The following GALNT3 variants were observed in gnomAD, a reference collection of about 807,000 sequenced individuals.
GALNT3 encodes the protein polypeptide N-acetylgalactosaminyltransferase 3, also known as GalNAc transferase 3.
GALNT3 carries 51 observed loss-of-function variants against 69.8 expected under a neutral mutation model. The observed-to-expected ratio is 0.73, with a 90% CI of 0.58 to 0.92. GALNT3 has a LOEUF of 0.92. Ranked by LOEUF, GALNT3 falls within the 40% of genes least tolerant of loss-of-function variation. The pLI is 0.00. For missense variants in GALNT3, 711 were observed against 760.0 expected (o/e 0.94, Z 0.76); for synonymous variants, 265 against 248.5 (o/e 1.07, Z -0.63).
At chr2:165,761,487 C>G (rs1312280642) in intron 4 of GALNT3, among the ~76,000 whole-genome samples, 2 of 151,978 alleles carry the variant, frequency 1.3e-5, no homozygotes, top group Admixed American at 1.3e-4. Context: ...GCTGGGATTA[C>G]AGGAATGAGC....
At chr2:165,761,699 A>C (rs1345446007) in intron 4 of GALNT3, 3 of 718,076 alleles carry the variant, frequency 4.2e-6, no homozygotes, top group Non-Finnish European at 7.7e-6. Flanking sequence ...TTAAACACAA[A>C]AGGAGATAAG....
At chr2:165,792,223 AAAGTATT>A (rs1227109395) in intron 1 of GALNT3, among the ~76,000 whole-genome samples, 1 of 152,214 alleles carries the variant, frequency 6.6e-6, no homozygotes, top group Non-Finnish European at 1.5e-5. Flanking sequence ...TTAATCTAGG[AAAGTATT>A]ATTTTTCCTA....
chr2:165,769,992 C>A, intron 2 of GALNT3, 194 bp downstream of exon 2: 1 of 668,100 alleles, frequency 1.5e-6, no homozygotes, highest in South Asian at 1.7e-5. Context: ...ATCTGCACTG[C>A]CTCACCAAGC....
intron 1 of GALNT3, among the ~76,000 whole-genome samples, chr2:165,782,199 A>G (rs1683124493): frequency 6.6e-6 from 1 of 152,096 alleles, no homozygotes. Context: ...CTGATTTACT[A>G]TCTTTGAAGA....
In GALNT3 at chr2:165,787,551, T is replaced by C. The variant is rs370670347; in HGVS notation, c.-109+6464A>G. Among the ~76,000 whole-genome samples the C allele has an allele frequency of 2.0e-4, 31 of 152,268 alleles. No individual in the cohort carries two copies. In the South Asian group the frequency reaches 6.4e-3, roughly 32 times the overall value. ...CTCAGATAGACAAACAGCGAGGCCA[T>C]GGCAAAAGTCCAGGCAAGAGATGAT... On this transcript the variant is annotated intron_variant, in intron 1 of 10. Coordinates refer to ENST00000392701, the MANE Select transcript of GALNT3 (RefSeq NM_004482.4).
At chr2:165,785,790 G>A (rs553000993) in intron 1 of GALNT3, among the ~76,000 whole-genome samples, 6 of 152,220 alleles carry the variant, frequency 3.9e-5, no homozygotes, top group South Asian at 2.1e-4. Flanking sequence ...GCAACAGTCC[G>A]AACAGGGGCA....
chr2:165,757,084 T>C lies in GALNT3; in HGVS notation c.1355A>G (p.Tyr452Cys). The change falls in exon 7 of 11, where the codon TAT becomes TGT. Residue 452 changes from tyrosine to cysteine, a missense_variant. Coordinates refer to ENST00000392701, the MANE Select transcript of GALNT3 (RefSeq NM_004482.4). ...TTTTGCTGCATCTGTATTTCTCCTA[T>C]AAAATATTTCCTTGTATTCATCCAT... is the stretch of plus-strand genomic sequence containing the variant. ...VWMDEYKEIF[Y>C]RRNTDAAKIV... The C allele has an allele frequency of 1.2e-6, 2 of 1,613,986 alleles. No individual in the cohort carries two copies. Among genetic ancestry groups the C allele is most frequent in the African/African-American group, 1.3e-5 (1 of 75,046 alleles).
At chr2:165,776,741 G>A (rs1184405460) in intron 1 of GALNT3, among the ~76,000 whole-genome samples, 1 of 152,114 alleles carries the variant, frequency 6.6e-6, no homozygotes, top group Non-Finnish European at 1.5e-5. Context: ...ATTTTAACTG[G>A]TTGTGACACT....
chr2:165,750,623 C>A (rs1349534658), intron 9 of GALNT3, among the ~76,000 whole-genome samples: 1 of 152,156 alleles, frequency 6.6e-6, no homozygotes, highest in Non-Finnish European at 1.5e-5. Context: ...TATCATCCAG[C>A]AATCCAATCT....
At chr2:165,774,949 C>T (rs1407532007) in intron 1 of GALNT3, among the ~76,000 whole-genome samples, 1 of 121,972 alleles carries the variant, frequency 8.2e-6, no homozygotes, top group Non-Finnish European at 1.6e-5. Context: ...TGAGGTCTCA[C>T]TATGCTGCCC....
chr2:165,753,832 T>A (rs899694459), intron 9 of GALNT3, among the ~76,000 whole-genome samples: 7 of 152,206 alleles, frequency 4.6e-5, no homozygotes, highest in African/African-American at 1.7e-4. Flanking sequence ...TCCTCTTTTG[T>A]TGGAGAAGGA....
intron 1 of GALNT3, among the ~76,000 whole-genome samples, chr2:165,778,192 C>A (rs546857936): frequency 1.2e-4 from 19 of 152,300 alleles, no homozygotes; most frequent in Non-Finnish European, 2.1e-4. Context: ...CACATCTACA[C>A]CTGTGAATGA....
intron 1 of GALNT3, among the ~76,000 whole-genome samples, chr2:165,773,324 ATGTAAGACG>A (rs1467755268): frequency 6.6e-6 from 1 of 152,206 alleles, no homozygotes; most frequent in African/African-American, 2.4e-5. Flanking sequence ...GCCTGCCATC[ATGTAAGACG>A]TGCCTTTGCT....
At position 165,749,811 on chromosome 2, in the gene GALNT3, C is replaced by G. The variant is rs781352133; in HGVS notation, c.1710G>C (p.Gln570His). 1 of 1,613,642 alleles carries G rather than the reference C, an allele frequency of 6.2e-7. No homozygotes were observed. Among genetic ancestry groups the G allele is most frequent in the South Asian group, 1.1e-5 (1 of 91,070 alleles). Residue 570 changes from glutamine (Q) to histidine (H), a missense_variant, in exon 10 of 11, where the codon CAG becomes CAC. By Grantham distance (24) the Gln-to-His change is conservative (BLOSUM62 0). Transcript: ENST00000392701. ...GACCTTTGTAGGTACATGCCTTCAG[C>G]TGAACGAGACCTTGAGCAGCATGAA... ...LCLHAAQGLV[Q>H]LKACTYKGHK...
chr2:165,755,207 T>C (rs1573996962), intron 7 of GALNT3, 144 bp from the exon 8 acceptor site: 1 of 788,190 alleles, frequency 1.3e-6, no homozygotes, highest in East Asian at 2.7e-5. Context: ...GCCTTCATCA[T>C]TCATTCAAGT....
chr2:165,776,837 C>A (rs970645128), intron 1 of GALNT3, among the ~76,000 whole-genome samples: 3 of 152,130 alleles, frequency 2.0e-5, no homozygotes, highest in Non-Finnish European at 2.9e-5. Context: ...ATCTAACTAA[C>A]AAGTGGTAGC....
intron 6 of GALNT3, among the ~76,000 whole-genome samples, chr2:165,757,674 T>C (rs1199492510): frequency 1.3e-5 from 2 of 152,202 alleles, no homozygotes; most frequent in Admixed American, 1.3e-4. Context: ...TCAGACCCTA[T>C]TTATCTCTTG....
At chr2:165,783,524 C>T (rs1559007085) in intron 1 of GALNT3, among the ~76,000 whole-genome samples, 2 of 152,190 alleles carry the variant, frequency 1.3e-5, no homozygotes, top group Non-Finnish European at 2.9e-5. Flanking sequence ...CATCTCTCAG[C>T]TTCCATTACC....
At chr2:165,784,755 G>A (rs1215479961) in intron 1 of GALNT3, among the ~76,000 whole-genome samples, 1 of 152,062 alleles carries the variant, frequency 6.6e-6, no homozygotes, top group Non-Finnish European at 1.5e-5. Flanking sequence ...TATGAGACAA[G>A]AGGCCAGTGA....
Sources: allele counts gnomAD v4.1 joint callset (sites outside exome capture counted in the v4.1 genomes callset), GRCh38; gene constraint gnomAD v4.1.1; transcripts MANE v1.5; gene names NCBI Gene and HGNC (gene_info 2026-07-23, HGNC 2026-07-21).